CCSER1: variants seen among roughly 807,000 people sequenced by gnomAD.
CCSER1 encodes coiled-coil serine rich protein 1.
Under a neutral mutation model 82.0 loss-of-function variants are expected in CCSER1, and 41 were observed. The ratio of observed to expected loss-of-function variants is 0.50; its 90% CI spans 0.39 to 0.65. The LOEUF (loss-of-function observed/expected upper bound fraction) is 0.65, where lower values mean the gene tolerates loss of function less well. CCSER1 is among the 30% of genes least tolerant of loss of function. CCSER1 has a pLI of 0.00. For synonymous variants in CCSER1, 414 were observed against 383.9 expected, an observed-to-expected ratio of 1.08 and a Z score of -0.92; for missense variants, 1,119 against 1,064.2, an observed-to-expected ratio of 1.05 and a Z score of -0.72.
chr4:90,783,075 A>G (rs1418955295), intron 7 of CCSER1, among the ~76,000 whole-genome samples: 2 of 151,562 alleles, frequency 1.3e-5, no homozygotes, highest in African/African-American at 4.9e-5. Flanking sequence ...CCGAATAGCT[A>G]GGATTACGGG....
intron 8 of CCSER1, among the ~76,000 whole-genome samples, chr4:90,920,709 A>T (rs1728250859): frequency 6.6e-6 from 1 of 151,912 alleles, no homozygotes; most frequent in East Asian, 1.9e-4. Context: ...TTTTACCTAT[A>T]GAATGCGAAT....
intron 9 of CCSER1, among the ~76,000 whole-genome samples, chr4:90,990,355 C>T (rs553214600): frequency 5.9e-5 from 9 of 152,026 alleles, no homozygotes; most frequent in East Asian, 1.9e-4. Context: ...TCTTAAAATA[C>T]GATGTACATA....
intron 10 of CCSER1, among the ~76,000 whole-genome samples, chr4:91,162,203 C>G (rs1286110907): frequency 6.6e-6 from 1 of 152,030 alleles, no homozygotes; most frequent in Non-Finnish European, 1.5e-5. Context: ...TGGTTTTTGT[C>G]TTTGGTTCTG....
intron 1 of CCSER1, among the ~76,000 whole-genome samples, chr4:90,235,871 A>C (rs191961173): frequency 4.6e-5 from 7 of 152,326 alleles, no homozygotes; most frequent in Admixed American, 4.6e-4. Context: ...GAAGGGCAAT[A>C]GTCTATCAAA....
rs546178773 is a variant in CCSER1, at chr4:90,419,609, C to A, written c.1603+19480C>A. ...ATATGTTTTCCAAGGCACTGAAAAT[C>A]ATAATAACATCTTAGAAGAGGAGAG... On this transcript the variant is annotated intron_variant, in intron 4 of 10. Transcript: ENST00000509176. Among the ~76,000 whole-genome samples the A allele has an allele frequency of 6.6e-5, 10 of 151,810 alleles. No homozygotes were observed. The East Asian group carries it at 1.9e-3, about 29-fold the overall frequency.
intron 1 of CCSER1, among the ~76,000 whole-genome samples, chr4:90,152,679 T>C (rs1727088493): frequency 6.6e-6 from 1 of 151,994 alleles, no homozygotes; most frequent in Admixed American, 6.6e-5. Context: ...TTGGCTGAGA[T>C]AGAGAGTGCC....
In CCSER1 at chr4:91,358,833, T is replaced by C. The variant is rs1399595887; in HGVS notation, c.2218-239739T>C. On this transcript the variant is annotated intron_variant, in intron 10 of 10. Transcript: ENST00000509176. ...TTCCTACCCGGGAGCGCTCTTTGGA[T>C]CACGTCACTCAGGCTGGCTGGAGTC... is the stretch of plus-strand genomic sequence containing the variant. Among the ~76,000 whole-genome samples, 3 of 152,114 alleles carry C rather than the reference T, an allele frequency of 2.0e-5. No individual in the cohort carries two copies. In the East Asian group the frequency reaches 5.8e-4, roughly 29 times the overall value.
chr4:91,541,231 TTC>T (rs1383513138), intron 10 of CCSER1, among the ~76,000 whole-genome samples: 3 of 152,194 alleles, frequency 2.0e-5, no homozygotes, highest in Non-Finnish European at 4.4e-5. Context: ...ACTACAGTTT[TTC>T]TTTTTTAAGT....
At chr4:90,248,408 T>C (rs1721817143) in intron 1 of CCSER1, among the ~76,000 whole-genome samples, 1 of 152,204 alleles carries the variant, frequency 6.6e-6, no homozygotes, top group South Asian at 2.1e-4. Context: ...TCTGGCTTCC[T>C]AAGTGGGTTT....
chr4:90,446,864 G>T (rs930791932), intron 4 of CCSER1, among the ~76,000 whole-genome samples: 1 of 152,082 alleles, frequency 6.6e-6, no homozygotes, highest in African/African-American at 2.4e-5. Context: ...AAGATGACGA[G>T]GATGAAGACT....
chr4:91,039,685 T>C (rs938505038), intron 9 of CCSER1, among the ~76,000 whole-genome samples: 1 of 145,360 alleles, frequency 6.9e-6, no homozygotes, highest in African/African-American at 2.5e-5. Flanking sequence ...TATATGTATG[T>C]ATAGATCTAA....
At chr4:90,548,053 T>A (rs957222613) in intron 5 of CCSER1, among the ~76,000 whole-genome samples, 1 of 152,130 alleles carries the variant, frequency 6.6e-6, no homozygotes, top group Non-Finnish European at 1.5e-5. Context: ...CACGTTGGTA[T>A]TGAGTGTGTA....
chr4:91,397,945 G>A (rs1752089178), intron 10 of CCSER1, among the ~76,000 whole-genome samples: 1 of 151,934 alleles, frequency 6.6e-6, no homozygotes, highest in South Asian at 2.1e-4. Flanking sequence ...GGGTAGAGAG[G>A]CTAGAAATGG....
rs186243443 is a variant in CCSER1, at chr4:90,709,025, A to G, written c.1933-14889A>G. 7.9e-5 allele frequency among the ~76,000 whole-genome samples: 12 copies of G among 152,296 alleles called. No individual in the cohort carries two copies. The East Asian group carries it at 2.3e-3, about 29-fold the overall frequency. On this transcript the variant is annotated intron_variant, in intron 6 of 10. Coordinates refer to ENST00000509176, the MANE Select transcript of CCSER1 (RefSeq NM_001145065.2). ...CAAGTGCATTTAAAGAAATATTCAC[A>G]TATCTGTCTTAAGAATGTCATCACA...
At chr4:91,004,244 C>G (rs909739807) in intron 9 of CCSER1, among the ~76,000 whole-genome samples, 2 of 152,104 alleles carry the variant, frequency 1.3e-5, no homozygotes, top group African/African-American at 4.8e-5. Context: ...TCCAGTCCAC[C>G]GTAATGTTCC....
chr4:91,016,627 A>G (rs1426865548), intron 9 of CCSER1, among the ~76,000 whole-genome samples: 1 of 152,058 alleles, frequency 6.6e-6, no homozygotes, highest in Non-Finnish European at 1.5e-5. Flanking sequence ...GATGTTCTTT[A>G]TATATACACA....
intron 3 of CCSER1, among the ~76,000 whole-genome samples, chr4:90,315,323 TTGGTA>T (rs1433955263): frequency 1.3e-5 from 2 of 152,154 alleles, no homozygotes; most frequent in Admixed American, 6.5e-5. Context: ...GAACAGAAAC[TTGGTA>T]AAATATTGTA....
chr4:91,134,449 AC>A (rs1187995685), intron 10 of CCSER1, among the ~76,000 whole-genome samples: 2 of 152,054 alleles, frequency 1.3e-5, no homozygotes, highest in Non-Finnish European at 2.9e-5. Flanking sequence ...AAACAAAAAA[AC>A]AAAATAATCT....
intron 10 of CCSER1, among the ~76,000 whole-genome samples, chr4:91,431,504 G>A (rs111951160): frequency 0.03 from 4,518 of 151,966 alleles, 193 homozygotes; most frequent in African/African-American, 0.1. Flanking sequence ...TTTCGCTCTT[G>A]TTGCCCGGGC....
Sources: gnomAD v4.1 joint callset for allele counts (sites outside exome capture counted in the v4.1 genomes callset) on GRCh38, gnomAD v4.1.1 for gene constraint, MANE v1.5 for transcripts, NCBI Gene and HGNC (gene_info 2026-07-23, HGNC 2026-07-21) for gene names.